WDR37: variants seen among roughly 807,000 people sequenced by gnomAD.
WDR37 encodes WD repeat-containing protein 37.
WDR37 carries 19 observed loss-of-function variants against 62.9 expected under a neutral mutation model. The ratio of observed to expected loss-of-function variants is 0.30; its 90% CI spans 0.21 to 0.44. The LOEUF (loss-of-function observed/expected upper bound fraction) is 0.44, where lower values mean the gene tolerates loss of function less well. WDR37 is among the 20% of genes least tolerant of loss of function. WDR37 has a pLI of 1.00. For synonymous variants in WDR37, 250 were observed against 260.9 expected (o/e 0.96, Z 0.40); for missense variants, 474 against 657.6 (o/e 0.72, Z 3.05).
intron 11 of WDR37, chr10:1,123,669 T>TG (rs1564513758): frequency 6.5e-6 from 1 of 152,934 alleles, no homozygotes; most frequent in Non-Finnish European, 1.5e-5. Context: ...TTCTGGTGTG[T>TG]GGGGCTTCTT....
Position 1,086,349 on chromosome 10 carries a change from T to C in WDR37, c.596T>C (p.Val199Ala). 1.9e-6 allele frequency: 3 copies of C among 1,614,132 alleles called. No homozygotes were observed. The South Asian group carries it at 3.3e-5, about 18-fold the overall frequency. The change falls in exon 7 of 14, where the codon GTG becomes GCG. Residue 199 changes from valine to alanine, a missense_variant. Coordinates refer to ENST00000263150, the MANE Select transcript of WDR37 (RefSeq NM_014023.4). ...TGCCTAGTCAAGTACGCAGGCCACG[T>C]GGGCTCAGGTAAGCACTGCCTAAGG... ...GKCLVKYAGH[V>A]GSVNSIKFHP...
At chr10:1,064,583 C>CTTTTTTTTTTTTTTT (rs71376884) in intron 1 of WDR37, among the ~76,000 whole-genome samples, 2 of 70,486 alleles carry the variant, frequency 2.8e-5, no homozygotes, top group African/African-American at 1.2e-4. Flanking sequence ...GACAATGGAT[C>CTTTTTTTTTTTTTTT]TTTTTTTTTT....
chr10:1,062,517 T>TA (rs1377448726), intron 1 of WDR37, among the ~76,000 whole-genome samples: 2 of 152,230 alleles, frequency 1.3e-5, no homozygotes, highest in South Asian at 4.1e-4. Context: ...TAACTGAAGA[T>TA]AGAGTCTCCC....
chr10:1,128,844 C>CA (rs1835883732), intron 13 of WDR37, among the ~76,000 whole-genome samples: 1 of 150,258 alleles, frequency 6.7e-6, no homozygotes, highest in African/African-American at 2.5e-5. Flanking sequence ...CTCGGTGGTC[C>CA]TGCTCAGTGG....
At chr10:1,111,480 G>GT (rs1219066270) in intron 11 of WDR37, among the ~76,000 whole-genome samples, 1 of 152,100 alleles carries the variant, frequency 6.6e-6, no homozygotes, top group African/African-American at 2.4e-5. Flanking sequence ...ATGCTTCACT[G>GT]TAAGAAAGAA....
At chr10:1,118,897 T>G (rs1835486213) in intron 11 of WDR37, among the ~76,000 whole-genome samples, 1 of 152,176 alleles carries the variant, frequency 6.6e-6, no homozygotes, top group African/African-American at 2.4e-5. Context: ...AGCTGTTGCT[T>G]TTTGCCATTT....
At chr10:1,093,538 T>C in intron 8 of WDR37, 42 bp downstream of exon 8, 2 of 1,495,244 alleles carry the variant, frequency 1.3e-6, no homozygotes, top group Non-Finnish European at 1.8e-6. Flanking sequence ...TGATAGATGG[T>C]CTTAAAACAA....
chr10:1,129,384 G>C lies in WDR37; in HGVS notation c.*40G>C, dbSNP rs373759159. ...CTTAGTTTCACTGTTTGCCAGCACA[G>C]ACCTTTGATGGGTGCAGGCTTTTCT... On this transcript the variant is annotated 3_prime_UTR_variant, in exon 14 of 14. Transcript: ENST00000263150. 1.2e-6 allele frequency: 2 copies of C among 1,612,532 alleles called. No individual in the cohort carries two copies. The highest frequency in any genetic ancestry group is 1.3e-5 in the African/African-American group (1 of 74,902).
At chr10:1,057,978 C>T (rs1833248800) in intron 1 of WDR37, among the ~76,000 whole-genome samples, 1 of 150,992 alleles carries the variant, frequency 6.6e-6, no homozygotes, top group Admixed American at 6.6e-5. Context: ...CTGAACTTCC[C>T]CCAACCCCAG....
At chr10:1,114,613 G>C (rs915159149) in intron 11 of WDR37, among the ~76,000 whole-genome samples, 2 of 152,226 alleles carry the variant, frequency 1.3e-5, no homozygotes, top group African/African-American at 4.8e-5. Flanking sequence ...CAGCTCTTGT[G>C]ATCCGCCTTA....
chr10:1,100,557 C>A (rs192765807), intron 9 of WDR37, among the ~76,000 whole-genome samples: 2 of 152,174 alleles, frequency 1.3e-5, no homozygotes, highest in Non-Finnish European at 2.9e-5. Flanking sequence ...AGCTTTTGGG[C>A]AAACGTCTTG....
At chr10:1,126,344 T>C (rs559761051) in intron 13 of WDR37, among the ~76,000 whole-genome samples, 16 of 149,438 alleles carry the variant, frequency 1.1e-4, no homozygotes, top group African/African-American at 1.8e-4. Flanking sequence ...AGGCGGAGCT[T>C]GCAGTGAGCT....
intron 2 of WDR37, 93 bp from the exon 3 acceptor site, chr10:1,077,814 T>G: frequency 1.1e-6 from 1 of 933,838 alleles, no homozygotes; most frequent in Non-Finnish European, 1.6e-6. Context: ...AAATAAGAGT[T>G]TACAATAAAA....
chr10:1,093,987 C>G (rs565296034), intron 8 of WDR37, among the ~76,000 whole-genome samples: 1 of 152,300 alleles, frequency 6.6e-6, no homozygotes, highest in East Asian at 1.9e-4. Flanking sequence ...AAAAACGTGC[C>G]TTCCTTGGTC....
rs12762995 is a variant in WDR37 at position 1,129,158 on chromosome 10, A to G, written c.1354-55A>G. ...TGGTTATTCATTTCGCTGAGGTCTT[A>G]TAATCTTACTTTCGGGAATAATGCA... On this transcript the variant is annotated intron_variant, in intron 13 of 13. Coordinates refer to ENST00000263150, the MANE Select transcript of WDR37 (RefSeq NM_014023.4). 3.8e-3 allele frequency: 6,111 copies of G among 1,600,396 alleles called. 30 individuals carry two copies. Among genetic ancestry groups the G allele is most frequent in the South Asian group, 0.017 (1,507 of 89,928 alleles).
At position 1,129,663 on chromosome 10, in the gene WDR37, G is replaced by T; in HGVS notation, c.*319G>T. The T allele has an allele frequency of 4.6e-6, 1 of 216,406 alleles. No homozygotes were observed. The highest frequency in any genetic ancestry group is 1.1e-4 in the East Asian group (1 of 8,788). 13.4% of individuals were successfully genotyped at this position (216,406 alleles called of 1,614,324 possible). On this transcript the variant is annotated 3_prime_UTR_variant, in exon 14 of 14. Coordinates refer to ENST00000263150, the MANE Select transcript of WDR37 (RefSeq NM_014023.4). ...GAACAGTAGGGCATTACATTTGTGT[G>T]AATTAAATGTGAACTTCTGTATTAC...
At chr10:1,082,933 A>G (rs905623021) in intron 5 of WDR37, among the ~76,000 whole-genome samples, 2 of 152,232 alleles carry the variant, frequency 1.3e-5, no homozygotes, top group African/African-American at 2.4e-5. Context: ...AGAGATTTGG[A>G]AAATGAAATT....
At chr10:1,068,473 A>G (rs1833623676) in intron 1 of WDR37, among the ~76,000 whole-genome samples, 1 of 151,934 alleles carries the variant, frequency 6.6e-6, no homozygotes, top group Non-Finnish European at 1.5e-5. Context: ...AAAAAAACAA[A>G]CAGTGTTTTA....
At chr10:1,097,358 C>T (rs986069063) in intron 9 of WDR37, among the ~76,000 whole-genome samples, 7 of 152,170 alleles carry the variant, frequency 4.6e-5, no homozygotes, top group Admixed American at 1.3e-4. Flanking sequence ...CCAGAGACCC[C>T]GCCAGCTTGA....
Sources: allele counts gnomAD v4.1 joint callset (sites outside exome capture counted in the v4.1 genomes callset), GRCh38; gene constraint gnomAD v4.1.1; transcripts MANE v1.5; gene names NCBI Gene and HGNC (gene_info 2026-07-23, HGNC 2026-07-21).